The following PCDH9 variants were observed in gnomAD, a reference collection of about 807,000 sequenced individuals.
PCDH9 encodes the protein protocadherin-9.
A neutral mutation model predicts 70.6 loss-of-function variants in PCDH9; 24 were observed. That is an observed-to-expected ratio of 0.34 (90% confidence interval 0.25 to 0.48). PCDH9 has a LOEUF of 0.48. Ranked by LOEUF, PCDH9 falls within the 20% of genes least tolerant of loss-of-function variation. The pLI, the probability that PCDH9 is intolerant of heterozygous loss-of-function variation, is 0.99. For synonymous variants in PCDH9, 562 were observed against 558.5 expected (o/e 1.01, Z -0.09); for missense variants, 1,281 against 1,503.6 (o/e 0.85, Z 2.45).
chr13:66,918,833 TCTTA>T (rs1393949764), intron 2 of PCDH9, among the ~76,000 whole-genome samples: 2 of 151,304 alleles, frequency 1.3e-5, no homozygotes, highest in African/African-American at 4.8e-5. Flanking sequence ...TTAATTGAAC[TCTTA>T]CTTGTGCTTT....
intron 3 of PCDH9, among the ~76,000 whole-genome samples, chr13:66,637,652 G>A (rs560164500): frequency 3.3e-5 from 5 of 152,208 alleles, no homozygotes; most frequent in African/African-American, 7.2e-5. Context: ...AGTGGCTGAC[G>A]CCTGTATTCC....
At chr13:66,377,875 A>G (rs1956777633) in intron 4 of PCDH9, among the ~76,000 whole-genome samples, 1 of 152,084 alleles carries the variant, frequency 6.6e-6, no homozygotes, top group Non-Finnish European at 1.5e-5. Flanking sequence ...TCTGCCTGGT[A>G]TTCTCTTTTC....
intron 3 of PCDH9, among the ~76,000 whole-genome samples, chr13:66,718,403 T>C (rs936454037): frequency 6.6e-6 from 1 of 152,124 alleles, no homozygotes; most frequent in Non-Finnish European, 1.5e-5. Context: ...CATAGAATAC[T>C]ATTTTGTTGA....
chr13:66,918,707 G>A (rs551551816), intron 2 of PCDH9, among the ~76,000 whole-genome samples: 1 of 151,156 alleles, frequency 6.6e-6, no homozygotes, highest in East Asian at 1.9e-4. Context: ...AGGTTACTAA[G>A]TACTCCCCAC....
intron 3 of PCDH9, among the ~76,000 whole-genome samples, chr13:66,864,097 A>G (rs2081530634): frequency 6.6e-6 from 1 of 152,140 alleles, no homozygotes; most frequent in Admixed American, 6.5e-5. Context: ...CTGCCCCCAT[A>G]ATTCAATTAT....
intron 2 of PCDH9, among the ~76,000 whole-genome samples, chr13:66,943,994 A>G (rs1323466541): frequency 6.6e-6 from 1 of 151,710 alleles, no homozygotes; most frequent in Non-Finnish European, 1.5e-5. Flanking sequence ...GGCAGATTTG[A>G]ATAATAATGT....
intron 4 of PCDH9, among the ~76,000 whole-genome samples, chr13:66,575,378 C>G (rs2076799741): frequency 6.6e-6 from 1 of 152,064 alleles, no homozygotes; most frequent in Non-Finnish European, 1.5e-5. Context: ...AGTCAGAAAT[C>G]TGGATGTCTT....
chr13:66,938,729 C>T (rs1437745191), intron 2 of PCDH9, among the ~76,000 whole-genome samples: 1 of 152,158 alleles, frequency 6.6e-6, no homozygotes, highest in Non-Finnish European at 1.5e-5. Flanking sequence ...CACTGGAAGA[C>T]TGAGGGAAGG....
intron 3 of PCDH9, among the ~76,000 whole-genome samples, chr13:66,848,057 C>T (rs2081244109): frequency 6.6e-6 from 1 of 152,004 alleles, no homozygotes; most frequent in South Asian, 2.1e-4. Context: ...TTCTTATTAC[C>T]CATGGCTTAT....
intron 4 of PCDH9, among the ~76,000 whole-genome samples, chr13:66,536,881 A>T (rs1325086576): frequency 1.3e-5 from 2 of 152,086 alleles, no homozygotes; most frequent in African/African-American, 2.4e-5. Context: ...TTGAAGAATT[A>T]AAAAAAGTTG....
chr13:66,735,480 T>C (rs2079134255), intron 3 of PCDH9, among the ~76,000 whole-genome samples: 1 of 152,092 alleles, frequency 6.6e-6, no homozygotes, highest in Admixed American at 6.6e-5. Context: ...TAGAAATATG[T>C]GAGGCTTAGG....
At chr13:66,328,067 T>C (rs981912052) in intron 4 of PCDH9, among the ~76,000 whole-genome samples, 2 of 152,158 alleles carry the variant, frequency 1.3e-5, no homozygotes, top group African/African-American at 4.8e-5. Flanking sequence ...CTATTAAGTA[T>C]CCAAAATGGA....
intron 4 of PCDH9, among the ~76,000 whole-genome samples, chr13:66,374,574 A>T (rs1029906030): frequency 6.6e-6 from 1 of 151,962 alleles, no homozygotes; most frequent in African/African-American, 2.4e-5. Context: ...CATTTTTTAA[A>T]TGAGGACGTT....
At chr13:67,003,992 C>T (rs1594378122) in intron 2 of PCDH9, among the ~76,000 whole-genome samples, 1 of 152,226 alleles carries the variant, frequency 6.6e-6, no homozygotes, top group East Asian at 1.9e-4. Flanking sequence ...GATAAATCTT[C>T]TCTATAGTCC....
chr13:66,656,641 G>T (rs879742729), intron 3 of PCDH9, among the ~76,000 whole-genome samples: 11 of 151,840 alleles, frequency 7.2e-5, no homozygotes, highest in Non-Finnish European at 1.0e-4. Flanking sequence ...ATGGTGGGGT[G>T]GGGGGGCGGT....
intron 3 of PCDH9, among the ~76,000 whole-genome samples, chr13:66,844,479 G>A (rs12429355): frequency 0.065 from 9,866 of 151,958 alleles, 491 homozygotes; most frequent in Admixed American, 0.13. Flanking sequence ...CAGCTACTCA[G>A]GAGTGTGAGG....
intron 4 of PCDH9, among the ~76,000 whole-genome samples, chr13:66,362,181 CAAAT>C (rs1956482576): frequency 6.6e-6 from 1 of 152,010 alleles, no homozygotes. Flanking sequence ...ATAAAATTGT[CAAAT>C]AGATAGAGTA....
chr13:67,104,790 C>A (rs1055604760), intron 2 of PCDH9, among the ~76,000 whole-genome samples: 2 of 152,172 alleles, frequency 1.3e-5, no homozygotes, highest in African/African-American at 4.8e-5. Flanking sequence ...ACCTTGTGAT[C>A]CACCCACCTC....
intron 4 of PCDH9, among the ~76,000 whole-genome samples, chr13:66,412,177 T>C (rs1957381914): frequency 6.6e-6 from 1 of 152,198 alleles, no homozygotes. Context: ...CAGACTATTG[T>C]AATTTTGAAG....
Sources: gnomAD v4.1 joint callset for allele counts (sites outside exome capture counted in the v4.1 genomes callset) on GRCh38, gnomAD v4.1.1 for gene constraint, MANE v1.5 for transcripts, NCBI Gene and HGNC (gene_info 2026-07-23, HGNC 2026-07-21) for gene names.